TRAPPC11: variants seen among roughly 807,000 people sequenced by gnomAD.
TRAPPC11 encodes trafficking protein particle complex subunit 11, also known as foie gras homolog.
In TRAPPC11, 104 loss-of-function variants were observed where a neutral mutation model predicts 151.2. The ratio of observed to expected loss-of-function variants is 0.69; its 90% CI spans 0.59 to 0.81. The LOEUF is 0.81. Ranked by LOEUF, TRAPPC11 falls within the 30% of genes least tolerant of loss-of-function variation. The pLI is 0.00. For missense variants in TRAPPC11, 1,230 were observed against 1,349.6 expected (o/e 0.91, Z 1.39); for synonymous variants, 456 against 472.3 (o/e 0.97, Z 0.45).
At chr4:183,710,507 C>T (rs1158643634) in intron 29 of TRAPPC11, among the ~76,000 whole-genome samples, 1 of 151,380 alleles carries the variant, frequency 6.6e-6, no homozygotes, top group Non-Finnish European at 1.5e-5. Context: ...AGGATGGTCT[C>T]GATCTCCTGA....
At chr4:183,693,505 C>T in intron 20 of TRAPPC11, 84 bp from the exon 21 acceptor site, 1 of 1,437,966 alleles carries the variant, frequency 7.0e-7, no homozygotes, top group South Asian at 1.4e-5. Flanking sequence ...TGCACCCAGC[C>T]TCTTATTTCT....
rs1338851381 is a variant in TRAPPC11, at chr4:183,685,163, A to G, written c.1629+18A>G. The stretch of plus-strand genomic sequence containing the variant: ...TTTTAATGGTAGGTTGGAATTGTTT[A>G]TATAGAGTGTGTTATTAGGAATATG... On this transcript the variant is annotated intron_variant, in intron 16 of 29. Coordinates refer to ENST00000334690, the MANE Select transcript of TRAPPC11 (RefSeq NM_021942.6). The G allele has an allele frequency of 1.2e-6, 2 of 1,613,248 alleles. No individual in the cohort carries two copies. Among genetic ancestry groups the G allele is most frequent in the Admixed American group, 3.3e-5 (2 of 59,980 alleles).
At chr4:183,684,490 T>C (rs561765973) in intron 14 of TRAPPC11, 131 bp downstream of exon 14, 246 of 1,073,428 alleles carry the variant, frequency 2.3e-4, no homozygotes, top group Non-Finnish European at 3.2e-4. Context: ...ATTTCTGTAA[T>C]GTTTTTTTCA....
rs765105196 is a variant in TRAPPC11, at chr4:183,679,355, C to T, written c.834C>T (p.Ile278=). ...KTMAGFINYK[I]CRLCFQHNTP... ...GGGATCAATTTTACATTTTGCAGATCTGTAGGCTGTGTTTTCAACACAACA... is the reference window on the plus strand; with the variant it reads ...GGGATCAATTTTACATTTTGCAGATTTGTAGGCTGTGTTTTCAACACAACA... The change falls in exon 9 of 30, where the codon ATC becomes ATT. Residue 278 remains isoleucine (I), a splice_region_variant and synonymous_variant. Transcript: ENST00000334690. 6.2e-7 allele frequency: 1 copy of T among 1,605,490 alleles called. No individual in the cohort carries two copies. The highest frequency in any genetic ancestry group is 1.1e-5 in the South Asian group (1 of 89,054).
intron 4 of TRAPPC11, among the ~76,000 whole-genome samples, chr4:183,667,723 A>G (rs1438227667): frequency 6.6e-6 from 1 of 152,116 alleles, no homozygotes; most frequent in Non-Finnish European, 1.5e-5. Flanking sequence ...AGTTTTAGTT[A>G]TGTTTTTTGA....
intron 3 of TRAPPC11, chr4:183,666,830 T>G: frequency 2.1e-6 from 1 of 473,336 alleles, no homozygotes; most frequent in Non-Finnish European, 3.8e-6. Flanking sequence ...ACATTAATCT[T>G]TTGCTTTTAA....
intron 26 of TRAPPC11, among the ~76,000 whole-genome samples, chr4:183,702,961 T>C (rs532666178): frequency 6.6e-6 from 1 of 152,276 alleles, no homozygotes; most frequent in South Asian, 2.1e-4. Context: ...ATTATCAAAA[T>C]TGACTAAAGG....
At chr4:183,678,389 T>C (rs527707954) in intron 8 of TRAPPC11, among the ~76,000 whole-genome samples, 5 of 152,344 alleles carry the variant, frequency 3.3e-5, no homozygotes, top group African/African-American at 1.2e-4. Flanking sequence ...GTTGGTGATG[T>C]ATGGCCAAAT....
In TRAPPC11 at chr4:183,706,694, C is replaced by T. The variant is rs922995535; in HGVS notation, c.3056-113C>T. The T allele has an allele frequency of 1.7e-4, 195 of 1,156,388 alleles. No individual in the cohort carries two copies. In the African/African-American group the frequency reaches 2.3e-3, roughly 13 times the overall value. 71.6% of individuals were successfully genotyped at this position (1,156,388 alleles called of 1,614,324 possible). On this transcript the variant is annotated intron_variant, in intron 27 of 29. Transcript: ENST00000334690. ...TTCTTATCCGGCAAGAGTACAGTAA[C>T]GTCATTAATTTAAATGATACTATGT...
intron 28 of TRAPPC11, 101 bp downstream of exon 28, chr4:183,707,041 T>C: frequency 7.2e-7 from 1 of 1,383,680 alleles, no homozygotes; most frequent in Non-Finnish European, 9.7e-7. Flanking sequence ...TAAAGCTGAC[T>C]GTGGTCCCTG....
rs368760532 is a variant in TRAPPC11 at position 183,684,285 on chromosome 4, A to C, written c.1367-20A>C. 1.2e-5 allele frequency: 20 copies of C among 1,613,148 alleles called. No homozygotes were observed. In the African/African-American group the frequency reaches 2.4e-4, roughly 19 times the overall value. On this transcript the variant is annotated intron_variant, in intron 13 of 29. Transcript: ENST00000334690. ...TGAATGACTTTAAGTTACATACATAAATCTTTTTTTCCTTTATAGTGGTTC... is the reference window on the plus strand; with the variant it reads ...TGAATGACTTTAAGTTACATACATACATCTTTTTTTCCTTTATAGTGGTTC...
chr4:183,706,104 C>G lies in TRAPPC11; in HGVS notation c.3056-703C>G, dbSNP rs531431695. 74 of 148,768 alleles carry G rather than the reference C, an allele frequency of 5.0e-4. 1 individual carries two copies. The highest frequency in any genetic ancestry group is 1.7e-3 in the African/African-American group (68 of 39,514). 9.2% of individuals were successfully genotyped at this position (148,768 alleles called of 1,614,324 possible). On this transcript the variant is annotated intron_variant, in intron 27 of 29. Transcript: ENST00000334690. ...CACACACACACACACACACACCCACCAAACAACAGTGTATCCACAAATGAA... is the reference window on the plus strand; with the variant it reads ...CACACACACACACACACACACCCACGAAACAACAGTGTATCCACAAATGAA...
At chr4:183,708,724 T>C (rs1351028706) in intron 29 of TRAPPC11, 150 bp downstream of exon 29, 2 of 642,046 alleles carry the variant, frequency 3.1e-6, no homozygotes, top group African/African-American at 3.7e-5. Context: ...TGCTGTTCAT[T>C]TCTATAGTTA....
chr4:183,683,772 T>C, intron 11 of TRAPPC11: 1 of 571,620 alleles, frequency 1.7e-6, no homozygotes, highest in Non-Finnish European at 3.1e-6. Flanking sequence ...AACATTGAGC[T>C]CAATAATGTT....
At chr4:183,687,036 C>T (rs1289650650) in intron 18 of TRAPPC11, among the ~76,000 whole-genome samples, 1 of 152,030 alleles carries the variant, frequency 6.6e-6, no homozygotes, top group African/African-American at 2.4e-5. Context: ...AAAAAATCTG[C>T]TGGGTGTGGT....
intron 3 of TRAPPC11, 117 bp from the exon 4 acceptor site, chr4:183,666,943 G>A (rs1316553913): frequency 2.7e-6 from 2 of 733,652 alleles, no homozygotes; most frequent in Non-Finnish European, 4.3e-6. Context: ...TTCTGATCTT[G>A]GTTTTTTTAG....
intron 28 of TRAPPC11, 118 bp downstream of exon 28, chr4:183,707,058 T>C (rs1737109526): frequency 2.4e-6 from 3 of 1,268,618 alleles, no homozygotes; most frequent in Non-Finnish European, 3.2e-6. Context: ...CCTGTTGTTT[T>C]GGTAATAGTG....
At chr4:183,699,020 G>T (rs1193221313) in intron 25 of TRAPPC11, among the ~76,000 whole-genome samples, 1 of 151,924 alleles carries the variant, frequency 6.6e-6, no homozygotes, top group East Asian at 1.9e-4. Flanking sequence ...TTTCTTCCTT[G>T]GCAGTCATTC....
chr4:183,678,536 G>C (rs1735524824), intron 8 of TRAPPC11, among the ~76,000 whole-genome samples: 1 of 152,184 alleles, frequency 6.6e-6, no homozygotes, highest in African/African-American at 2.4e-5. Context: ...TCTATGTAGT[G>C]ATATGGAATA....
Sources: gnomAD v4.1 joint callset for allele counts (sites outside exome capture counted in the v4.1 genomes callset) on GRCh38, gnomAD v4.1.1 for gene constraint, MANE v1.5 for transcripts, NCBI Gene and HGNC (gene_info 2026-07-23, HGNC 2026-07-21) for gene names.